The following NKAIN3 variants were observed in gnomAD, a reference collection of about 807,000 sequenced individuals.
NKAIN3 encodes the protein sodium/potassium-transporting ATPase subunit beta-1-interacting protein 3.
NKAIN3 carries 25 observed loss-of-function variants against 30.2 expected under a neutral mutation model. That is an observed-to-expected ratio of 0.83 (90% CI 0.60 to 1.16). NKAIN3 has a LOEUF of 1.16. Among genes scored for constraint, NKAIN3 ranks in the 50% most tolerant of loss-of-function variants. The probability of loss-of-function intolerance (pLI) is 0.00; values close to 1 mark genes in which losing one functional copy is unlikely to be tolerated. For synonymous variants in NKAIN3, 91 were observed against 89.6 expected, an observed-to-expected ratio of 1.02 and a Z score of -0.09; for missense variants, 225 against 254.1, an observed-to-expected ratio of 0.89 and a Z score of 0.78.
rs191329224 is a variant in NKAIN3, at chr8:62,707,292, A to G, written c.274-39640A>G. On this transcript the variant is annotated intron_variant, in intron 3 of 6. Transcript: ENST00000623646. ...TGGTAGTTCTACTTTTAGTTATTTAAGGAATCTCCACACTGTTTTCCATAG... is the reference window on the plus strand; with the variant it reads ...TGGTAGTTCTACTTTTAGTTATTTAGGGAATCTCCACACTGTTTTCCATAG... Among the ~76,000 whole-genome samples, 102 of 152,206 alleles carry G rather than the reference A, an allele frequency of 6.7e-4. 1 individual carries two copies. The Middle Eastern group carries it at 0.01, about 15-fold the overall frequency.
At chr8:62,282,280 A>G (rs1000960146) in intron 1 of NKAIN3, among the ~76,000 whole-genome samples, 5 of 152,188 alleles carry the variant, frequency 3.3e-5, no homozygotes, top group Non-Finnish European at 7.4e-5. Flanking sequence ...GGTGGGTGGA[A>G]ATCAGGTGAG....
At chr8:62,616,394 C>T (rs1313433798) in intron 3 of NKAIN3, among the ~76,000 whole-genome samples, 1 of 152,116 alleles carries the variant, frequency 6.6e-6, no homozygotes. Flanking sequence ...GGATGACTCA[C>T]AGAGTCCTGG....
chr8:62,611,698 C>T (rs747445196), intron 3 of NKAIN3, among the ~76,000 whole-genome samples: 2 of 152,104 alleles, frequency 1.3e-5, no homozygotes, highest in Non-Finnish European at 2.9e-5. Flanking sequence ...TGTTGATGGA[C>T]ACTTAGGTTG....
At chr8:62,815,434 C>A (rs1376595010) in intron 4 of NKAIN3, among the ~76,000 whole-genome samples, 3 of 152,144 alleles carry the variant, frequency 2.0e-5, no homozygotes, top group Non-Finnish European at 2.9e-5. Flanking sequence ...GAATTTTAGA[C>A]CAATATCCTT....
At chr8:62,307,271 A>G (rs1343875266) in intron 1 of NKAIN3, among the ~76,000 whole-genome samples, 1 of 145,030 alleles carries the variant, frequency 6.9e-6, no homozygotes, top group Non-Finnish European at 1.5e-5. Context: ...TTCTAGCAAA[A>G]AAAAAAAAAA....
rs529117731 is a variant in NKAIN3, at chr8:62,558,642, C to G, written c.55-20897C>G. Among the ~76,000 whole-genome samples the G allele has an allele frequency of 6.6e-5, 10 of 151,918 alleles. No individual in the cohort carries two copies. The South Asian group carries it at 2.1e-3, about 32-fold the overall frequency. ...CAACAAACATATTACTGGTGGTATC[C>G]TTTTGATTAATTTTCTCTATTGTTT... On this transcript the variant is annotated intron_variant, in intron 1 of 6. Coordinates refer to ENST00000623646, the MANE Select transcript of NKAIN3 (RefSeq NM_001304533.3).
chr8:62,959,620 C>T (rs1342794967), intron 6 of NKAIN3, among the ~76,000 whole-genome samples: 1 of 152,124 alleles, frequency 6.6e-6, no homozygotes, highest in African/African-American at 2.4e-5. Flanking sequence ...CTTAATTAGC[C>T]TTCACATCTT....
At chr8:62,911,806 C>A (rs1440373519) in intron 4 of NKAIN3, among the ~76,000 whole-genome samples, 1 of 152,100 alleles carries the variant, frequency 6.6e-6, no homozygotes, top group African/African-American at 2.4e-5. Context: ...ACAGAAAATG[C>A]ATGTATCAAA....
At chr8:62,803,866 G>A (rs1380892677) in intron 4 of NKAIN3, among the ~76,000 whole-genome samples, 1 of 152,096 alleles carries the variant, frequency 6.6e-6, no homozygotes, top group Non-Finnish European at 1.5e-5. Context: ...TAGACTGCTA[G>A]CAAGACTAAT....
At chr8:62,950,167 T>A (rs951515613) in intron 5 of NKAIN3, among the ~76,000 whole-genome samples, 1 of 152,208 alleles carries the variant, frequency 6.6e-6, no homozygotes, top group Admixed American at 6.5e-5. Flanking sequence ...AGTCTTTTGT[T>A]AAGTGTTCTA....
At chr8:62,424,239 A>T (rs1469462314) in intron 1 of NKAIN3, among the ~76,000 whole-genome samples, 1 of 152,010 alleles carries the variant, frequency 6.6e-6, no homozygotes, top group Admixed American at 6.6e-5. Context: ...GGAAAGCTCC[A>T]TAACATTAGT....
intron 1 of NKAIN3, among the ~76,000 whole-genome samples, chr8:62,389,342 T>G (rs1378215407): frequency 6.6e-6 from 1 of 152,202 alleles, no homozygotes; most frequent in Non-Finnish European, 1.5e-5. Context: ...GCGAGAAAAT[T>G]TAAAACTTAG....
chr8:62,295,908 A>G (rs1205982135), intron 1 of NKAIN3, among the ~76,000 whole-genome samples: 1 of 152,230 alleles, frequency 6.6e-6, no homozygotes, highest in Non-Finnish European at 1.5e-5. Flanking sequence ...CTGTGCCTTC[A>G]TAAAATTACA....
chr8:62,864,231 A>T, intron 4 of NKAIN3: 2 of 750,660 alleles, frequency 2.7e-6, no homozygotes, highest in Non-Finnish European at 4.5e-6. Context: ...GAAACTAAAA[A>T]CAGCAGGATT....
chr8:62,723,525 T>G (rs1815161711), intron 3 of NKAIN3, among the ~76,000 whole-genome samples: 1 of 152,124 alleles, frequency 6.6e-6, no homozygotes, highest in African/African-American at 2.4e-5. Context: ...CCGGATGTGT[T>G]GAATGGGTTT....
At chr8:62,960,351 G>A (rs751445738) in intron 6 of NKAIN3, among the ~76,000 whole-genome samples, 2 of 152,066 alleles carry the variant, frequency 1.3e-5, no homozygotes, top group Non-Finnish European at 2.9e-5. Context: ...AGCACATAAA[G>A]CCTTTTTCCA....
intron 4 of NKAIN3, among the ~76,000 whole-genome samples, chr8:62,897,811 T>C (rs1821479749): frequency 6.6e-6 from 1 of 152,120 alleles, no homozygotes; most frequent in Non-Finnish European, 1.5e-5. Flanking sequence ...CTGGTTTCCT[T>C]GGTTTCATTC....
At chr8:62,760,833 T>C (rs1816634400) in intron 4 of NKAIN3, among the ~76,000 whole-genome samples, 1 of 152,096 alleles carries the variant, frequency 6.6e-6, no homozygotes, top group Non-Finnish European at 1.5e-5. Context: ...TATCACATAA[T>C]TAAAAAATAG....
intron 1 of NKAIN3, among the ~76,000 whole-genome samples, chr8:62,565,049 T>C (rs1265691152): frequency 6.6e-6 from 1 of 152,154 alleles, no homozygotes; most frequent in Non-Finnish European, 1.5e-5. Context: ...GTTGATTCAA[T>C]GAATAAATAT....
Sources: gnomAD v4.1 joint callset for allele counts (sites outside exome capture counted in the v4.1 genomes callset) on GRCh38, gnomAD v4.1.1 for gene constraint, MANE v1.5 for transcripts, NCBI Gene and HGNC (gene_info 2026-07-23, HGNC 2026-07-21) for gene names.